COBL: variants seen among roughly 807,000 people sequenced by gnomAD.
COBL encodes cordon-bleu WH2 repeat protein.
COBL carries 51 observed loss-of-function variants against 98.8 expected under a neutral mutation model. That is an observed-to-expected ratio of 0.52 (90% CI 0.41 to 0.65). The LOEUF (loss-of-function observed/expected upper bound fraction) is 0.65. Ranked by LOEUF, COBL falls within the 30% of genes least tolerant of loss-of-function variation. The probability of loss-of-function intolerance (pLI) is 0.00; values close to 1 mark genes in which losing one functional copy is unlikely to be tolerated. For missense variants in COBL, 1,617 were observed against 1,617.5 expected (o/e 1.00, Z 0.01); for synonymous variants, 634 against 651.7 (o/e 0.97, Z 0.41).
intron 5 of COBL, among the ~76,000 whole-genome samples, chr7:51,147,900 G>A (rs58696973): frequency 1.5e-4 from 23 of 151,858 alleles, no homozygotes; most frequent in African/African-American, 5.1e-4. Flanking sequence ...ACAGGCACCC[G>A]CCACCACACC....
chr7:51,250,684 G>C (rs192156031), intron 1 of COBL, among the ~76,000 whole-genome samples: 257 of 152,264 alleles, frequency 1.7e-3, no homozygotes, highest in Middle Eastern at 6.8e-3. Context: ...CTTAAACATT[G>C]GACCCATATG....
intron 6 of COBL, among the ~76,000 whole-genome samples, chr7:51,116,708 T>C (rs1278489720): frequency 6.6e-6 from 1 of 152,170 alleles, no homozygotes; most frequent in African/African-American, 2.4e-5. Flanking sequence ...ATCATTTATC[T>C]TCAGCCTGAA....
At chr7:51,306,079 G>A (rs771149421) in intron 1 of COBL, among the ~76,000 whole-genome samples, 2 of 152,012 alleles carry the variant, frequency 1.3e-5, no homozygotes, top group Non-Finnish European at 2.9e-5. Flanking sequence ...GATGAATGAA[G>A]ATGGCCCTTG....
chr7:51,294,738 G>C (rs915266806), intron 1 of COBL, among the ~76,000 whole-genome samples: 1 of 151,164 alleles, frequency 6.6e-6, no homozygotes, highest in Non-Finnish European at 1.5e-5. Context: ...ACCAAACCAT[G>C]TCATCCTTGG....
chr7:51,043,263 G>A (rs894215814), intron 8 of COBL, 120 bp downstream of exon 8: 15 of 918,008 alleles, frequency 1.6e-5, no homozygotes, highest in South Asian at 3.3e-5. Context: ...AATCAGGGTC[G>A]GGGCCCCTGG....
intron 6 of COBL, among the ~76,000 whole-genome samples, chr7:51,104,208 T>C (rs373091163): frequency 6.6e-6 from 1 of 152,270 alleles, no homozygotes; most frequent in African/African-American, 2.4e-5. Flanking sequence ...GAGGCTAACA[T>C]TTTAGTATAA....
At chr7:51,045,618 A>G (rs1247888482) in intron 7 of COBL, among the ~76,000 whole-genome samples, 1 of 152,156 alleles carries the variant, frequency 6.6e-6, no homozygotes, top group East Asian at 1.9e-4. Flanking sequence ...ATGTGTCCCC[A>G]CTAGCTGTCT....
chr7:51,087,627 C>T (rs953205897), intron 6 of COBL, among the ~76,000 whole-genome samples: 1 of 151,912 alleles, frequency 6.6e-6, no homozygotes, highest in Non-Finnish European at 1.5e-5. Context: ...GGCACTGCCA[C>T]CACGCCGGGC....
chr7:51,068,947 G>A (rs1792244068), intron 7 of COBL, among the ~76,000 whole-genome samples: 1 of 152,182 alleles, frequency 6.6e-6, no homozygotes, highest in South Asian at 2.1e-4. Flanking sequence ...TATGGAGCCT[G>A]AAGACTCCAA....
At chr7:51,297,229 A>G (rs992132377) in intron 1 of COBL, among the ~76,000 whole-genome samples, 19 of 152,316 alleles carry the variant, frequency 1.2e-4, no homozygotes, top group African/African-American at 4.6e-4. Context: ...TAACATGTAT[A>G]GTCCAGACAG....
chr7:51,128,666 C>T (rs929505536), intron 6 of COBL, among the ~76,000 whole-genome samples: 5 of 152,370 alleles, frequency 3.3e-5, no homozygotes, highest in South Asian at 2.1e-4. Flanking sequence ...CCAGCCCACA[C>T]GGCTGCTCCT....
At chr7:51,038,641 C>T (rs973818147) in intron 8 of COBL, among the ~76,000 whole-genome samples, 4 of 152,228 alleles carry the variant, frequency 2.6e-5, no homozygotes, top group African/African-American at 9.6e-5. Flanking sequence ...ACCCAAGTAA[C>T]AGAGGGGTAG....
chr7:51,191,965 G>A lies in COBL; in HGVS notation c.457-887C>T, dbSNP rs576490935. The stretch of plus-strand genomic sequence containing the variant: ...AACAATGCATTTTGGGAGAAAAGAC[G>A]GAACCTACTGCTCCTTTACTGGTCC... On this transcript the variant is annotated intron_variant, in intron 3 of 12. Coordinates refer to ENST00000265136, the MANE Select transcript of COBL (RefSeq NM_015198.5). 1.2e-4 allele frequency among the ~76,000 whole-genome samples: 19 copies of A among 152,266 alleles called. No homozygotes were observed. In the South Asian group the frequency reaches 3.1e-3, roughly 25 times the overall value.
chr7:51,109,112 G>A (rs887959930), intron 6 of COBL, among the ~76,000 whole-genome samples: 8 of 152,188 alleles, frequency 5.3e-5, no homozygotes, highest in African/African-American at 1.9e-4. Flanking sequence ...CAAAGGTCCT[G>A]TGAGTTCCCA....
intron 6 of COBL, among the ~76,000 whole-genome samples, chr7:51,108,831 A>C (rs947129827): frequency 6.6e-6 from 1 of 151,940 alleles, no homozygotes; most frequent in East Asian, 1.9e-4. Flanking sequence ...GCTCTTGTAT[A>C]GCTCTCCAGT....
chr7:51,122,540 C>T (rs893043627), intron 6 of COBL, among the ~76,000 whole-genome samples: 5 of 152,182 alleles, frequency 3.3e-5, no homozygotes, highest in Non-Finnish European at 5.9e-5. Context: ...GTTGTTTTTT[C>T]GTCTCCACAT....
intron 6 of COBL, among the ~76,000 whole-genome samples, chr7:51,106,434 G>T (rs1313810773): frequency 6.6e-6 from 1 of 152,180 alleles, no homozygotes; most frequent in Non-Finnish European, 1.5e-5. Context: ...GCAGATGGAG[G>T]AGGAAAATTC....
chr7:51,019,439 T>C (rs1430094791), intron 12 of COBL, among the ~76,000 whole-genome samples: 1 of 151,992 alleles, frequency 6.6e-6, no homozygotes. Context: ...GAAGGAAAAA[T>C]TATGTGACGC....
rs187650900 is a variant in COBL, at chr7:51,039,394, T to G, written c.1406+3989A>C. ...AGCCCCCAGGCATGGGTCCTCACTG[T>G]AGGGATCGTGACCACCTGACAGGCC... On this transcript the variant is annotated intron_variant, in intron 8 of 12. Coordinates refer to ENST00000265136, the MANE Select transcript of COBL (RefSeq NM_015198.5). Among the ~76,000 whole-genome samples, 501 of 152,300 alleles carry G rather than the reference T, an allele frequency of 3.3e-3. 13 individuals are homozygous for G. The South Asian group carries it at 0.044, about 13-fold the overall frequency.
Sources: allele counts gnomAD v4.1 joint callset (sites outside exome capture counted in the v4.1 genomes callset), GRCh38; gene constraint gnomAD v4.1.1; transcripts MANE v1.5; gene names NCBI Gene and HGNC (gene_info 2026-07-23, HGNC 2026-07-21).